AS3MT: variants seen among roughly 807,000 people sequenced by gnomAD.
AS3MT encodes S-adenosyl-L-methionine:arsenic(III) methyltransferase.
AS3MT carries 47 observed loss-of-function variants against 45.3 expected under a neutral mutation model. The observed-to-expected ratio is 1.04, with a 90% CI of 0.82 to 1.32. The LOEUF (loss-of-function observed/expected upper bound fraction) is 1.32. Ranked by LOEUF, AS3MT falls within the 40% of genes most tolerant of loss-of-function variation. The probability of loss-of-function intolerance (pLI) is 0.00; values close to 1 mark genes in which losing one functional copy is unlikely to be tolerated. For missense variants in AS3MT, 396 were observed against 451.1 expected (o/e 0.88, Z 1.11); for synonymous variants, 141 against 152.8 (o/e 0.92, Z 0.57).
In AS3MT at chr10:102,900,683, A is replaced by G. The variant is rs1374630100; in HGVS notation, c.1111A>G (p.Thr371Ala). ...VPDAAGGCCG[T>A]KKSC is the part of the protein sequence containing the mutation. ...TGATGCTGCTGGAGGCTGCTGTGGC[A>G]CAAAGAAAAGCTGCTAAATCTATAG... Residue 371 changes from threonine (T) to alanine (A), a missense_variant, in exon 11 of 11, where the codon ACA becomes GCA. Thr to Ala is a moderately conservative substitution (Grantham distance 58, BLOSUM62 0). Coordinates refer to ENST00000369880, the MANE Select transcript of AS3MT (RefSeq NM_020682.4). 6.2e-7 allele frequency: 1 copy of G among 1,613,950 alleles called. No individual in the cohort carries two copies. Among genetic ancestry groups the G allele is most frequent in the African/African-American group, 1.3e-5 (1 of 74,946 alleles).
At chr10:102,897,914 A>G (rs1204500841) in intron 10 of AS3MT, among the ~76,000 whole-genome samples, 1 of 152,184 alleles carries the variant, frequency 6.6e-6, no homozygotes, top group Non-Finnish European at 1.5e-5. Context: ...AAATTGTAAA[A>G]TTCCACATAT....
intron 9 of AS3MT, among the ~76,000 whole-genome samples, chr10:102,883,410 C>T (rs1844898333): frequency 6.6e-6 from 1 of 151,804 alleles, no homozygotes; most frequent in Non-Finnish European, 1.5e-5. Context: ...CAGAAATGCA[C>T]TTTAAAAACC....
intron 9 of AS3MT, among the ~76,000 whole-genome samples, chr10:102,884,321 G>A (rs930735016): frequency 1.3e-5 from 2 of 152,054 alleles, no homozygotes; most frequent in African/African-American, 2.4e-5. Flanking sequence ...TCACCATGTT[G>A]TATAATAGAT....
intron 3 of AS3MT, among the ~76,000 whole-genome samples, chr10:102,871,765 A>G: frequency 6.6e-6 from 1 of 150,716 alleles, no homozygotes; most frequent in Non-Finnish European, 1.5e-5. Context: ...ACAAATCAAA[A>G]CAAAAAACGC....
At chr10:102,871,265 G>T (rs935142817) in intron 3 of AS3MT, among the ~76,000 whole-genome samples, 3 of 150,402 alleles carry the variant, frequency 2.0e-5, no homozygotes, top group African/African-American at 7.4e-5. Flanking sequence ...ACAAAAAAAA[G>T]GCCGGGGGTG....
At chr10:102,872,230 C>T (rs553235327) in intron 3 of AS3MT, among the ~76,000 whole-genome samples, 29 of 152,310 alleles carry the variant, frequency 1.9e-4, no homozygotes, top group African/African-American at 5.8e-4. Flanking sequence ...GTGCCTAGCA[C>T]ATGCCCAACA....
intron 9 of AS3MT, among the ~76,000 whole-genome samples, chr10:102,884,966 A>G (rs1844926156): frequency 6.6e-6 from 1 of 152,120 alleles, no homozygotes; most frequent in South Asian, 2.1e-4. Flanking sequence ...CGCCTTAAAC[A>G]TTTGTCTTTT....
chr10:102,875,214 C>T (rs1029183282), intron 6 of AS3MT, among the ~76,000 whole-genome samples: 1 of 152,094 alleles, frequency 6.6e-6, no homozygotes, highest in Non-Finnish European at 1.5e-5. Flanking sequence ...CGGTAGCTCA[C>T]ACCTGTAATC....
chr10:102,890,599 G>T lies in AS3MT; in HGVS notation c.941G>T (p.Arg314Ile). 1 of 1,612,506 alleles carries T rather than the reference G, an allele frequency of 6.2e-7. No homozygotes were observed. Among genetic ancestry groups the T allele is most frequent in the Non-Finnish European group, 8.5e-7 (1 of 1,179,340 alleles). ...ACAGCAGCTATCTTGAAGAATTCAA[G>T]ATTTGCTCAAGATTTTCTGATCAGA... ...EETAAILKNS[R>I]FAQDFLIRPI... Residue 314 changes from arginine (R) to isoleucine (I), a missense_variant, in exon 10 of 11, where the codon AGA becomes ATA. Transcript: ENST00000369880.
intron 5 of AS3MT, 35 bp downstream of exon 5, chr10:102,873,268 CA>C: frequency 7.0e-7 from 1 of 1,429,796 alleles, no homozygotes; most frequent in Non-Finnish European, 9.2e-7. Context: ...GACTATAGCC[CA>C]TTTTCTTTAT....
intron 10 of AS3MT, among the ~76,000 whole-genome samples, chr10:102,899,524 G>T (rs566442403): frequency 3.5e-4 from 54 of 152,144 alleles, no homozygotes; most frequent in African/African-American, 1.3e-3. Context: ...TTTAGTAAAG[G>T]GTCCACCAGT....
At chr10:102,871,727 CAAACAAAACAAAACA>C (rs139792328) in intron 3 of AS3MT, among the ~76,000 whole-genome samples, 1 of 148,104 alleles carries the variant, frequency 6.8e-6, no homozygotes, top group Non-Finnish European at 1.5e-5. Context: ...GACTCCGTCT[CAAACAAAACAAAACA>C]AAACAAAACA....
chr10:102,875,158 T>A (rs1175236131), intron 6 of AS3MT, among the ~76,000 whole-genome samples: 1 of 152,136 alleles, frequency 6.6e-6, no homozygotes, highest in Non-Finnish European at 1.5e-5. Flanking sequence ...CATTGTATCA[T>A]GAGATGTGTA....
At chr10:102,872,715 T>C in intron 4 of AS3MT, 117 bp downstream of exon 4, 1 of 1,108,316 alleles carries the variant, frequency 9.0e-7, no homozygotes, top group South Asian at 1.7e-5. Context: ...TAGTTAGCAA[T>C]GCTCATTTGT....
intron 9 of AS3MT, among the ~76,000 whole-genome samples, chr10:102,880,867 A>C (rs146445538): frequency 1.7e-3 from 257 of 152,362 alleles, no homozygotes; most frequent in African/African-American, 5.0e-3. Flanking sequence ...ACATCACTGC[A>C]TCAATCCAGA....
At chr10:102,879,090 T>A in intron 9 of AS3MT, 99 bp downstream of exon 9, 1 of 1,351,230 alleles carries the variant, frequency 7.4e-7, no homozygotes, top group Non-Finnish European at 1.0e-6. Flanking sequence ...ATTTTTCTGG[T>A]GTTGGTTTGT....
intron 2 of AS3MT, 81 bp downstream of exon 2, chr10:102,869,926 G>T (rs1474583347): frequency 1.3e-6 from 2 of 1,588,940 alleles, no homozygotes. Context: ...CTGTCCCCCG[G>T]GACTCCTGGA....
rs1014162764 is a variant in AS3MT at position 102,900,797 on chromosome 10, A to C, written c.*97A>C. ...ATAGCACAGACCATAAGAAACAACA[A>C]ATGGGGCCGGGCACAGTGGCTCATG... On this transcript the variant is annotated 3_prime_UTR_variant, in exon 11 of 11. Coordinates refer to ENST00000369880, the MANE Select transcript of AS3MT (RefSeq NM_020682.4). The C allele has an allele frequency of 1.4e-5, 14 of 971,696 alleles. No individual in the cohort carries two copies. The highest frequency in any genetic ancestry group is 2.1e-5 in the Non-Finnish European group (13 of 627,282). 60.2% of individuals were successfully genotyped at this position (971,696 alleles called of 1,614,324 possible).
intron 9 of AS3MT, among the ~76,000 whole-genome samples, chr10:102,883,972 C>A (rs184126549): frequency 1.5e-3 from 215 of 142,736 alleles, no homozygotes; most frequent in Admixed American, 4.0e-3. Flanking sequence ...TCTTTTCTTT[C>A]TTTATTTCTT....
Sources: gnomAD v4.1 joint callset for allele counts (sites outside exome capture counted in the v4.1 genomes callset) on GRCh38, gnomAD v4.1.1 for gene constraint, MANE v1.5 for transcripts, NCBI Gene and HGNC (gene_info 2026-07-23, HGNC 2026-07-21) for gene names.